Variants in ADAMTS6 observed in about 807,000 individuals in gnomAD.
The protein encoded by ADAMTS6 is A disintegrin and metalloproteinase with thrombospondin motifs 6.
A neutral mutation model predicts 144.3 loss-of-function variants in ADAMTS6; 23 were observed. The observed-to-expected ratio is 0.16, with a 90% CI of 0.11 to 0.23. ADAMTS6 has a LOEUF of 0.23. Ranked by LOEUF, ADAMTS6 falls within the 10% of genes least tolerant of loss-of-function variation. The pLI is 1.00. For synonymous variants in ADAMTS6, 444 were observed against 457.5 expected (o/e 0.97, Z 0.38); for missense variants, 999 against 1,379.6 (o/e 0.72, Z 4.37).
intron 11 of ADAMTS6, among the ~76,000 whole-genome samples, chr5:65,284,070 A>T (rs1763184302): frequency 1.3e-5 from 2 of 152,116 alleles, no homozygotes; most frequent in Non-Finnish European, 2.9e-5. Context: ...GGCCAGTGAT[A>T]TCCCCAAAAG....
At chr5:65,349,697 A>G (rs1019254846) in intron 7 of ADAMTS6, among the ~76,000 whole-genome samples, 3 of 152,008 alleles carry the variant, frequency 2.0e-5, no homozygotes, top group Non-Finnish European at 4.4e-5. Context: ...TCCACTAAAA[A>G]TACAAAAATT....
intron 9 of ADAMTS6, among the ~76,000 whole-genome samples, chr5:65,300,519 A>C (rs1247849577): frequency 6.6e-6 from 1 of 152,218 alleles, no homozygotes; most frequent in East Asian, 1.9e-4. Flanking sequence ...GCCTTTTAAC[A>C]TGTTAGTGTT....
chr5:65,209,050 A>G (rs1187537482), intron 20 of ADAMTS6, among the ~76,000 whole-genome samples: 1 of 152,270 alleles, frequency 6.6e-6, no homozygotes, highest in African/African-American at 2.4e-5. Context: ...TGAGAACCAC[A>G]TATCTAGCCA....
chr5:65,224,227 C>G, intron 18 of ADAMTS6, 93 bp downstream of exon 18: 1 of 1,023,950 alleles, frequency 9.8e-7, no homozygotes, highest in Non-Finnish European at 1.5e-6. Flanking sequence ...AGTGATCTAC[C>G]TCAAAGAAGC....
At chr5:65,372,191 G>A (rs1278894898) in intron 7 of ADAMTS6, among the ~76,000 whole-genome samples, 5 of 119,514 alleles carry the variant, frequency 4.2e-5, no homozygotes, top group African/African-American at 1.8e-4. Flanking sequence ...AAGACCATCT[G>A]CATCAACTAC....
intron 7 of ADAMTS6, among the ~76,000 whole-genome samples, chr5:65,367,768 A>C (rs1055668497): frequency 6.6e-6 from 1 of 152,028 alleles, no homozygotes; most frequent in Non-Finnish European, 1.5e-5. Context: ...GTTCCCACTT[A>C]CAAACTTCCT....
intron 11 of ADAMTS6, among the ~76,000 whole-genome samples, chr5:65,284,524 T>C (rs1000081961): frequency 2.0e-5 from 3 of 152,126 alleles, no homozygotes; most frequent in Non-Finnish European, 4.4e-5. Context: ...TGGCTAGATT[T>C]CTTACTATAA....
rs890297505 is a variant in ADAMTS6, at chr5:65,170,849, T to C, written c.3088-76A>G. ...GAGGTAAAAAATATACTATGTCATT[T>C]CAAATACAACACAATATGAACTTTT... On this transcript the variant is annotated intron_variant, in intron 23 of 24. Coordinates refer to ENST00000381055, the MANE Select transcript of ADAMTS6 (RefSeq NM_197941.4). 7.4e-6 allele frequency: 11 copies of C among 1,481,024 alleles called. No homozygotes were observed. In the Admixed American group the frequency reaches 2.0e-4, roughly 26 times the overall value. 91.7% of individuals were successfully genotyped at this position (1,481,024 alleles called of 1,614,324 possible). A position where few individuals can be genotyped will look rare whatever the true frequency, so the allele number is the denominator to read the frequency against.
At chr5:65,442,739 T>C (rs1270060784) in intron 7 of ADAMTS6, among the ~76,000 whole-genome samples, 3 of 152,162 alleles carry the variant, frequency 2.0e-5, no homozygotes, top group Non-Finnish European at 4.4e-5. Flanking sequence ...TAGGTAGACA[T>C]GTGCCATGGT....
chr5:65,170,877 T>A, intron 23 of ADAMTS6, 104 bp from the exon 24 acceptor site: 1 of 1,295,928 alleles, frequency 7.7e-7, no homozygotes, highest in Non-Finnish European at 1.0e-6. Flanking sequence ...GAACTTTTTT[T>A]TTTTTCTTTT....
At chr5:65,303,651 A>G (rs1743650834) in intron 9 of ADAMTS6, among the ~76,000 whole-genome samples, 1 of 151,830 alleles carries the variant, frequency 6.6e-6, no homozygotes, top group Admixed American at 6.6e-5. Context: ...TCTTAAGCAT[A>G]AAATATCTTT....
chr5:65,267,444 A>G (rs981625041), intron 12 of ADAMTS6, among the ~76,000 whole-genome samples: 1 of 152,114 alleles, frequency 6.6e-6, no homozygotes, highest in Non-Finnish European at 1.5e-5. Flanking sequence ...TATATTGTTC[A>G]TTATTGCTTT....
intron 7 of ADAMTS6, among the ~76,000 whole-genome samples, chr5:65,375,694 T>A (rs534182813): frequency 6.6e-6 from 1 of 152,082 alleles, no homozygotes; most frequent in African/African-American, 2.4e-5. Context: ...ATTGTGGAAG[T>A]CAGTGTGGCG....
intron 15 of ADAMTS6, among the ~76,000 whole-genome samples, chr5:65,238,732 G>GT (rs1758899821): frequency 6.6e-6 from 1 of 152,120 alleles, no homozygotes; most frequent in Admixed American, 6.6e-5. Flanking sequence ...AATCGATTTA[G>GT]TAAAGTACAT....
At chr5:65,420,090 ATCT>A (rs1234431202) in intron 7 of ADAMTS6, among the ~76,000 whole-genome samples, 1 of 152,200 alleles carries the variant, frequency 6.6e-6, no homozygotes, top group Admixed American at 6.5e-5. Context: ...AAAGCAAGGT[ATCT>A]TCTTCTCAAG....
intron 14 of ADAMTS6, among the ~76,000 whole-genome samples, chr5:65,250,212 T>C (rs953772319): frequency 6.6e-6 from 1 of 152,224 alleles, no homozygotes; most frequent in African/African-American, 2.4e-5. Flanking sequence ...CTTCTTTTAA[T>C]TGTCAAACAA....
chr5:65,406,227 T>A (rs1446470511), intron 7 of ADAMTS6, among the ~76,000 whole-genome samples: 3 of 152,176 alleles, frequency 2.0e-5, no homozygotes, highest in African/African-American at 7.2e-5. Context: ...CTTGCACCAG[T>A]TTTCCAAGGG....
intron 7 of ADAMTS6, among the ~76,000 whole-genome samples, chr5:65,357,511 AT>A (rs1749428548): frequency 6.6e-6 from 1 of 151,790 alleles, no homozygotes; most frequent in Non-Finnish European, 1.5e-5. Context: ...TCAAAGCAAA[AT>A]ACATGAAATA....
At chr5:65,352,414 A>T (rs1009736025) in intron 7 of ADAMTS6, among the ~76,000 whole-genome samples, 1 of 152,178 alleles carries the variant, frequency 6.6e-6, no homozygotes. Context: ...AATGGTTTAA[A>T]AAATTAACAG....
Sources: gnomAD v4.1 joint callset for allele counts (sites outside exome capture counted in the v4.1 genomes callset) on GRCh38, gnomAD v4.1.1 for gene constraint, MANE v1.5 for transcripts, NCBI Gene and HGNC (gene_info 2026-07-23, HGNC 2026-07-21) for gene names.